SGO2: variants seen among roughly 807,000 people sequenced by gnomAD.
The protein encoded by SGO2 is shugoshin-like 2.
SGO2 carries 68 observed loss-of-function variants against 99.5 expected under a neutral mutation model. The ratio of observed to expected loss-of-function variants is 0.68; its 90% CI spans 0.56 to 0.84. The LOEUF (loss-of-function observed/expected upper bound fraction) is 0.84. Among genes scored for constraint, SGO2 ranks in the 40% least tolerant of loss-of-function variants. The pLI is 0.00. For synonymous variants in SGO2, 457 were observed against 487.1 expected (o/e 0.94, Z 0.81); for missense variants, 1,350 against 1,436.7 (o/e 0.94, Z 0.97).
Position 200,571,031 on chromosome 2 carries a change from G to T in SGO2, c.704-19G>T. On this transcript the variant is annotated intron_variant, in intron 6 of 8. Coordinates refer to ENST00000357799, the MANE Select transcript of SGO2 (RefSeq NM_152524.6). ...ATTTCATTACTTGTTTCTGAGTTTT[G>T]TTTTCCTTTTCTTAATAGAAAGCCA... 1.3e-6 allele frequency: 2 copies of T among 1,528,276 alleles called. No homozygotes were observed. Among genetic ancestry groups the T allele is most frequent in the Non-Finnish European group, 1.8e-6 (2 of 1,140,842 alleles). The allele number at this position is 1,528,276 out of a possible 1,614,324, so 94.7% of individuals were successfully genotyped here. A position where few individuals can be genotyped will look rare whatever the true frequency, so the allele number is the denominator to read the frequency against.
At chr2:200,534,972 C>G (rs1376385494) in intron 2 of SGO2, 24 bp from the exon 3 acceptor site, 1 of 1,463,276 alleles carries the variant, frequency 6.8e-7, no homozygotes, top group Non-Finnish European at 9.0e-7. Context: ...TGAATATTAA[C>G]TCATTTTAAA....
chr2:200,583,526 ATAG>A lies in SGO2; in HGVS notation c.*65_*67del. The A allele has an allele frequency of 6.9e-7, 1 of 1,451,900 alleles. No individual in the cohort carries two copies. The highest frequency in any genetic ancestry group is 9.4e-7 in the Non-Finnish European group (1 of 1,064,588). The allele number at this position is 1,451,900 out of a possible 1,614,324, so 89.9% of individuals were successfully genotyped here. A position where few individuals can be genotyped will look rare whatever the true frequency, so the allele number is the denominator to read the frequency against. The stretch of plus-strand genomic sequence containing the variant: ...AAGCATAAGGAATCAAAACAGAAAT[ATAG>A]TATCAAGAAGATGAAATGCTTAATG... On this transcript the variant is annotated 3_prime_UTR_variant, in exon 9 of 9. Transcript: ENST00000357799.
chr2:200,582,931 A>G (rs911435484), intron 8 of SGO2, among the ~76,000 whole-genome samples: 5 of 152,150 alleles, frequency 3.3e-5, no homozygotes, highest in African/African-American at 1.2e-4. Context: ...TCAAACAGAT[A>G]AAACCAAACA....
chr2:200,550,486 C>G (rs1015761160), intron 5 of SGO2, among the ~76,000 whole-genome samples: 2 of 152,132 alleles, frequency 1.3e-5, no homozygotes, highest in South Asian at 4.1e-4. Context: ...CAGCATGGTA[C>G]TGGCATAAAA....
At position 200,573,909 on chromosome 2, in the gene SGO2, A is replaced by T; in HGVS notation, c.3563A>T (p.Asp1188Val). 6.2e-7 allele frequency: 1 copy of T among 1,610,132 alleles called. No homozygotes were observed. The highest frequency in any genetic ancestry group is 8.5e-7 in the Non-Finnish European group (1 of 1,178,848). The change falls in exon 7 of 9, where the codon GAT (aspartate) becomes GTT (valine). Residue 1188 changes from aspartate to valine, a missense_variant. By Grantham distance (152) the Asp-to-Val change is radical. Transcript: ENST00000357799. ...LECSPAFQVS[D>V]DEHEKMNKMK... is the part of the protein sequence containing the mutation. ...TGCTCCCCAGCCTTTCAAGTAAGTG[A>T]TGATGAGCATGAGAAGATGAACAAG...
intron 8 of SGO2, chr2:200,576,216 CT>C (rs66861543): frequency 0.24 from 43,256 of 182,398 alleles, 4,933 homozygotes; most frequent in East Asian, 0.45. Flanking sequence ...ACCAAGGGGC[CT>C]TTTTTTTTTC....
At position 200,570,511 on chromosome 2, in the gene SGO2, GGCA is replaced by G. The variant is rs2033365171; in HGVS notation, c.704-538_704-536del. On this transcript the variant is annotated intron_variant, in intron 6 of 8. Coordinates refer to ENST00000357799, the MANE Select transcript of SGO2 (RefSeq NM_152524.6). The surrounding 1 kb of genome is among the most constrained non-coding windows in gnomAD (Gnocchi z 4.4). ...GTGTGTGTGTGTGTGTGTGTGTGTG[GGCA>G]TATGTATATGTATATAATATATACA... Among the ~76,000 whole-genome samples the G allele has an allele frequency of 1.5e-5, 1 of 66,548 alleles. No individual in the cohort carries two copies. The highest frequency in any genetic ancestry group is 5.1e-5 in the African/African-American group (1 of 19,644). The allele number at this position is 66,548 out of a possible 152,430, so 43.7% of individuals were successfully genotyped here. A position where few individuals can be genotyped will look rare whatever the true frequency, so the allele number is the denominator to read the frequency against.
chr2:200,582,800 A>G (rs187145296), intron 8 of SGO2, among the ~76,000 whole-genome samples: 53 of 152,298 alleles, frequency 3.5e-4, no homozygotes, highest in Admixed American at 3.3e-3. Context: ...GCAATCAGAC[A>G]CAGAATATAA....
chr2:200,553,321 A>T (rs1465070552), intron 5 of SGO2, among the ~76,000 whole-genome samples: 1 of 152,222 alleles, frequency 6.6e-6, no homozygotes, highest in Non-Finnish European at 1.5e-5. Flanking sequence ...TGAACTGGGC[A>T]ATTGTTGAAA....
chr2:200,542,190 A>G (rs1258534181), intron 4 of SGO2, among the ~76,000 whole-genome samples: 1 of 152,158 alleles, frequency 6.6e-6, no homozygotes, highest in Non-Finnish European at 1.5e-5. Context: ...AGATATATTA[A>G]AATCACCCAG....
intron 5 of SGO2, among the ~76,000 whole-genome samples, chr2:200,544,174 G>C (rs1347998151): frequency 6.6e-6 from 1 of 152,204 alleles, no homozygotes; most frequent in Non-Finnish European, 1.5e-5. Context: ...CCATATTGCT[G>C]TATGTAGTTG....
At chr2:200,535,866 T>C (rs1455674126) in intron 3 of SGO2, among the ~76,000 whole-genome samples, 199 bp from the exon 4 acceptor site, 1 of 152,064 alleles carries the variant, frequency 6.6e-6, no homozygotes, top group Non-Finnish European at 1.5e-5. Flanking sequence ...GTATGATATG[T>C]ATGACTATTT....
At chr2:200,582,008 A>C (rs1453932672) in intron 8 of SGO2, among the ~76,000 whole-genome samples, 1 of 152,146 alleles carries the variant, frequency 6.6e-6, no homozygotes, top group African/African-American at 2.4e-5. Flanking sequence ...ATTTGGGACC[A>C]TGTCTATGTA....
intron 5 of SGO2, among the ~76,000 whole-genome samples, chr2:200,568,027 A>G (rs2033257614): frequency 6.6e-6 from 1 of 152,176 alleles, no homozygotes; most frequent in African/African-American, 2.4e-5. Flanking sequence ...TTTTGGAGAA[A>G]CTGCCAAATT....
At chr2:200,563,301 A>G (rs1421313840) in intron 5 of SGO2, among the ~76,000 whole-genome samples, 1 of 152,220 alleles carries the variant, frequency 6.6e-6, no homozygotes, top group African/African-American at 2.4e-5. Context: ...CCTTTTCTGC[A>G]TCTATGGAGA....
chr2:200,570,922 A>G lies in SGO2; in HGVS notation c.704-128A>G. The G allele has an allele frequency of 1.4e-6, 1 of 731,424 alleles. No individual in the cohort carries two copies. Among genetic ancestry groups the G allele is most frequent in the East Asian group, 2.9e-5 (1 of 34,204 alleles). The allele number at this position is 731,424 out of a possible 1,614,324, so 45.3% of individuals were successfully genotyped here. ...ATAAGCATAGATTCTTAGTAATATT[A>G]GGATCTGATCAGAACACATTGTCAG... On this transcript the variant is annotated intron_variant, in intron 6 of 8. Coordinates refer to ENST00000357799, the MANE Select transcript of SGO2 (RefSeq NM_152524.6). This position sits in a 1 kb window ranked among gnomAD's most constrained non-coding sequence, Gnocchi z 4.4.
intron 5 of SGO2, among the ~76,000 whole-genome samples, chr2:200,562,004 G>A (rs2032990104): frequency 6.6e-6 from 1 of 152,110 alleles, no homozygotes; most frequent in Non-Finnish European, 1.5e-5. Context: ...CATTTTGTAG[G>A]TTGCCTGTTC....
rs1439412187 is a variant in SGO2 at position 200,572,170 on chromosome 2, C to T, written c.1824C>T (p.Asn608=). Reference sequence around the variant, plus strand: ...AACCCTCAGAGCAAAATGAATCAAACATTAATAAGCTTAGAAAGAAAGTAA... The same window carrying T: ...AACCCTCAGAGCAAAATGAATCAAATATTAATAAGCTTAGAAAGAAAGTAA... ...DIQPSEQNES[N]INKLRKKVNR... is the part of the protein sequence containing the mutation. Residue 608 remains asparagine, a synonymous_variant, in exon 7 of 9, where the codon AAC becomes AAT. Coordinates refer to ENST00000357799, the MANE Select transcript of SGO2 (RefSeq NM_152524.6). 6.2e-7 allele frequency: 1 copy of T among 1,611,952 alleles called. No homozygotes were observed. The highest frequency in any genetic ancestry group is 2.2e-5 in the East Asian group (1 of 44,828).
rs754058054 is a variant in SGO2 at position 200,533,034 on chromosome 2, T to G, written c.59T>G (p.Leu20Trp). 6.2e-7 allele frequency: 1 copy of G among 1,608,378 alleles called. No homozygotes were observed. Among genetic ancestry groups the G allele is most frequent in the Non-Finnish European group, 8.5e-7 (1 of 1,178,552 alleles). Reference sequence around the variant, plus strand: ...TTTACCTCAGGAATTAAGAGACATTTGAAAGACAAAAGAATTTCAAAGACT... The same window carrying G: ...TTTACCTCAGGAATTAAGAGACATTGGAAAGACAAAAGAATTTCAAAGACT... Reference protein sequence around the residue: ...SLFTSGIKRHLKDKRISKTTK... With the variant: ...SLFTSGIKRHWKDKRISKTTK... The change falls in exon 2 of 9, where the codon TTG becomes TGG. Residue 20 changes from leucine to tryptophan, a missense_variant. Physicochemically the swap from Leu to Trp is moderately conservative, Grantham distance 61 (BLOSUM62 -2). Transcript: ENST00000357799.
Sources: allele counts gnomAD v4.1 joint callset (sites outside exome capture counted in the v4.1 genomes callset), GRCh38; gene constraint gnomAD v4.1.1; non-coding constraint Gnocchi (gnomAD v3.1); transcripts MANE v1.5; gene names NCBI Gene and HGNC (gene_info 2026-07-23, HGNC 2026-07-21).